The following PRIM2 variants were observed in gnomAD, a reference collection of about 807,000 sequenced individuals.
The protein encoded by PRIM2 is DNA primase subunit 2, also known as DNA primase large subunit.
PRIM2 carries 39 observed loss-of-function variants against 67.3 expected under a neutral mutation model. The ratio of observed to expected loss-of-function variants is 0.58; its 90% CI spans 0.45 to 0.76. The LOEUF (loss-of-function observed/expected upper bound fraction) is 0.76, where lower values mean the gene tolerates loss of function less well. PRIM2 is among the 30% of genes least tolerant of loss of function. PRIM2 has a pLI of 0.00. For synonymous variants in PRIM2, 143 were observed against 198.7 expected (o/e 0.72, Z 2.36); for missense variants, 398 against 598.7 (o/e 0.66, Z 3.50).
At chr6:57,271,119 G>A in the PRIM2 span, among the ~76,000 whole-genome samples, 6 of 152,148 alleles carry the variant, frequency 3.9e-5, no homozygotes, top group Admixed American at 1.3e-4. Flanking sequence ...ACAGGCTTTG[G>A]TATCAGGATG....
chr6:57,496,779 A>G (rs1774013421), intron 7 of PRIM2, among the ~76,000 whole-genome samples: 1 of 152,224 alleles, frequency 6.6e-6, no homozygotes, highest in Non-Finnish European at 1.5e-5. Context: ...TAAGTGAATG[A>G]AAAATCTAGG....
At chr6:57,508,149 C>T (rs1329360337) in intron 8 of PRIM2, among the ~76,000 whole-genome samples, 1,941 of 152,206 alleles carry the variant, frequency 0.013, 37 homozygotes, top group African/African-American at 0.045. Flanking sequence ...ATTGGCCAGA[C>T]TGGTCTCGAA....
chr6:57,257,209 G>A, the PRIM2 span, among the ~76,000 whole-genome samples: 48 of 151,428 alleles, frequency 3.2e-4, no homozygotes, highest in East Asian at 8.7e-3. Context: ...TTTGAAAGAA[G>A]TATTTTTTAT....
the PRIM2 span, among the ~76,000 whole-genome samples, chr6:57,303,963 A>G: frequency 6.6e-6 from 1 of 152,172 alleles, no homozygotes; most frequent in Non-Finnish European, 1.5e-5. Context: ...TGTTGGGGGA[A>G]AAACATCCAA....
intron 6 of PRIM2, 131 bp from the exon 7 acceptor site, chr6:57,381,900 T>C: frequency 2.2e-6 from 2 of 927,502 alleles, no homozygotes; most frequent in Non-Finnish European, 1.5e-6. Context: ...GAGGATAAAT[T>C]AATCATTTTG....
chr6:57,238,401 T>G, the PRIM2 span, among the ~76,000 whole-genome samples: 2 of 152,208 alleles, frequency 1.3e-5, no homozygotes, highest in Admixed American at 1.3e-4. Context: ...AACTCAGGAT[T>G]AAGAAACTCA....
the PRIM2 span, among the ~76,000 whole-genome samples, chr6:57,236,523 G>A: frequency 5.3e-5 from 8 of 151,712 alleles, no homozygotes; most frequent in Non-Finnish European, 5.9e-5. Context: ...CCATTAACTC[G>A]TCATTTACAT....
intron 10 of PRIM2, among the ~76,000 whole-genome samples, chr6:57,544,663 T>A (rs1323991859): frequency 3.0e-4 from 45 of 152,304 alleles, no homozygotes; most frequent in African/African-American, 1.1e-3. Flanking sequence ...TTCTTTTAAT[T>A]TTGGGTGCTT....
At chr6:57,349,791 T>G (rs571732404) in intron 5 of PRIM2, among the ~76,000 whole-genome samples, 6 of 152,256 alleles carry the variant, frequency 3.9e-5, no homozygotes, top group African/African-American at 1.4e-4. Context: ...TTTCTCTTTT[T>G]AAAAAAAGAT....
chr6:57,257,270 ATTT>A, the PRIM2 span, among the ~76,000 whole-genome samples: 21,435 of 144,644 alleles, frequency 0.15, 2,817 homozygotes, highest in African/African-American at 0.36. Flanking sequence ...ATCTGTAGGC[ATTT>A]TTTTTTTTTT....
At chr6:57,393,783 TTA>T (rs1770437541) in intron 7 of PRIM2, among the ~76,000 whole-genome samples, 1 of 151,972 alleles carries the variant, frequency 6.6e-6, no homozygotes, top group African/African-American at 2.4e-5. Flanking sequence ...TCTAGAATTT[TTA>T]TAGTTTCAGG....
the PRIM2 span, among the ~76,000 whole-genome samples, chr6:57,236,987 CACACTATCTTCCACAATGGTTGA>C: frequency 6.6e-6 from 1 of 152,126 alleles, no homozygotes; most frequent in Non-Finnish European, 1.5e-5. Flanking sequence ...GAGGAATCGC[CACACTATCTTCCACAATGGTTGA>C]ACTAGTTTAC....
At chr6:57,293,688 G>C in the PRIM2 span, among the ~76,000 whole-genome samples, 1 of 152,138 alleles carries the variant, frequency 6.6e-6, no homozygotes, top group Non-Finnish European at 1.5e-5. Flanking sequence ...CCTTTGCAGC[G>C]ACATGGGTGA....
chr6:57,468,930 G>A (rs1374890519), intron 7 of PRIM2, among the ~76,000 whole-genome samples: 1 of 152,160 alleles, frequency 6.6e-6, no homozygotes, highest in African/African-American at 2.4e-5. Context: ...ATTTCAGGTT[G>A]ATTTATTTCA....
At chr6:57,231,911 G>T in the PRIM2 span, among the ~76,000 whole-genome samples, 68 of 151,632 alleles carry the variant, frequency 4.5e-4, no homozygotes, top group African/African-American at 1.6e-3. Flanking sequence ...TAGGGAAAAT[G>T]GATATGGAAT....
intron 7 of PRIM2, among the ~76,000 whole-genome samples, chr6:57,464,354 T>C (rs1285871989): frequency 2.6e-5 from 4 of 151,968 alleles, no homozygotes; most frequent in African/African-American, 9.7e-5. Context: ...CTCAGCTCAC[T>C]TCAACCTCCG....
intron 12 of PRIM2, among the ~76,000 whole-genome samples, chr6:57,621,902 C>G (rs1207054753): frequency 6.6e-6 from 1 of 152,006 alleles, no homozygotes; most frequent in Non-Finnish European, 1.5e-5. Flanking sequence ...ATTTGTTTAT[C>G]TGGGAATGTC....
At chr6:57,375,829 T>A (rs1769744697) in intron 5 of PRIM2, among the ~76,000 whole-genome samples, 1 of 152,058 alleles carries the variant, frequency 6.6e-6, no homozygotes, top group African/African-American at 2.4e-5. Flanking sequence ...CTTAGCCTAT[T>A]GGGAGGCCAA....
upstream of PRIM2, among the ~76,000 whole-genome samples, chr6:57,311,155 T>C (rs1767375708): frequency 7.6e-6 from 1 of 132,206 alleles, no homozygotes; most frequent in Non-Finnish European, 1.6e-5. Context: ...GAGGCGCCCC[T>C]CACCTCCCGG....
Sources: gnomAD v4.1 joint callset for allele counts (sites outside exome capture counted in the v4.1 genomes callset) on GRCh38, gnomAD v4.1.1 for gene constraint, MANE v1.5 for transcripts, NCBI Gene and HGNC (gene_info 2026-07-23, HGNC 2026-07-21) for gene names.